CHRNB3: variants seen among roughly 807,000 people sequenced by gnomAD.
The protein encoded by CHRNB3 is neuronal acetylcholine receptor subunit beta-3.
CHRNB3 carries 37 observed loss-of-function variants against 40.6 expected under a neutral mutation model. The observed-to-expected ratio is 0.91, with a 90% CI of 0.70 to 1.20. The LOEUF (loss-of-function observed/expected upper bound fraction) is 1.20. Ranked by LOEUF, CHRNB3 falls within the 50% of genes most tolerant of loss-of-function variation. The pLI is 0.00. For missense variants in CHRNB3, 505 were observed against 551.2 expected, an observed-to-expected ratio of 0.92 and a Z score of 0.84; for synonymous variants, 207 against 207.1, an observed-to-expected ratio of 1.00 and a Z score of 0.00.
chr8:42,730,761 A>G, intron 4 of CHRNB3, 58 bp downstream of exon 4: 1 of 1,220,258 alleles, frequency 8.2e-7, no homozygotes, highest in South Asian at 1.4e-5. Context: ...TAAAAAGTGA[A>G]AAAAAGGCTG....
chr8:42,710,822 C>T (rs947420766), intron 3 of CHRNB3, among the ~76,000 whole-genome samples: 4 of 152,220 alleles, frequency 2.6e-5, no homozygotes, highest in Admixed American at 6.5e-5. Context: ...CCCTAGCCTT[C>T]TCTGGTCCTC....
chr8:42,718,690 A>C (rs1355157820), intron 3 of CHRNB3, among the ~76,000 whole-genome samples: 7 of 151,644 alleles, frequency 4.6e-5, no homozygotes, highest in South Asian at 2.1e-4. Context: ...AAAAAAAAAA[A>C]AAAAAAAAAA....
At chr8:42,719,292 C>A (rs1189232730) in intron 3 of CHRNB3, among the ~76,000 whole-genome samples, 3 of 152,204 alleles carry the variant, frequency 2.0e-5, no homozygotes, top group East Asian at 1.9e-4. Context: ...CCATTCTAAA[C>A]CCACAGAGGT....
intron 3 of CHRNB3, among the ~76,000 whole-genome samples, chr8:42,712,321 T>C (rs1324157061): frequency 1.3e-5 from 2 of 152,142 alleles, no homozygotes; most frequent in African/African-American, 4.8e-5. Context: ...ATTGCCTAAT[T>C]TGCCCCATTG....
In CHRNB3 at chr8:42,731,833, TATG is replaced by T. The variant is rs1274980594; in HGVS notation, c.530_532del (p.Asp177del). 3.7e-6 allele frequency: 6 copies of T among 1,614,126 alleles called. No homozygotes were observed. In the Admixed American group the frequency reaches 1.0e-4, roughly 27 times the overall value. ...CTCCATGAAGTTTGGATCCTGGACTTATGATGGCACCATGGTTGACCTCATTTT... is the reference window on the plus strand; with the variant it reads ...CTCCATGAAGTTTGGATCCTGGACTTATGGCACCATGGTTGACCTCATTTT... On this transcript the variant is annotated inframe_deletion, in exon 5 of 6. Coordinates refer to ENST00000289957, the MANE Select transcript of CHRNB3 (RefSeq NM_000749.5).
intron 4 of CHRNB3, 61 bp from the exon 5 acceptor site, chr8:42,731,606 A>G: frequency 6.0e-6 from 9 of 1,493,694 alleles, no homozygotes; most frequent in Non-Finnish European, 8.1e-6. Context: ...AATGCTGGGA[A>G]AAAGAACAAA....
At chr8:42,701,817 G>A (rs1815810338) in intron 1 of CHRNB3, among the ~76,000 whole-genome samples, 1 of 152,144 alleles carries the variant, frequency 6.6e-6, no homozygotes. Context: ...ACAGTCTTTT[G>A]TATCTTGAAA....
Position 42,703,435 on chromosome 8 carries a change from A to T in CHRNB3, c.53-5282A>T, listed in dbSNP as rs78846548. Among the ~76,000 whole-genome samples, 254 of 47,166 alleles carry T rather than the reference A, an allele frequency of 5.4e-3. 13 individuals carry two copies. Among genetic ancestry groups the T allele is most frequent in the East Asian group, 0.024 (21 of 878 alleles). 30.9% of individuals were successfully genotyped at this position (47,166 alleles called of 152,430 possible). On this transcript the variant is annotated intron_variant, in intron 1 of 5. Transcript: ENST00000289957. ...CAAGACTTCGTCTAAAAAAAAAAAAAATATTTATATATATATATATATATA... is the reference window on the plus strand; with the variant it reads ...CAAGACTTCGTCTAAAAAAAAAAAATATATTTATATATATATATATATATA...
chr8:42,697,720 A>T (rs55920715), intron 1 of CHRNB3, 122 bp downstream of exon 1: 19,203 of 726,958 alleles, frequency 0.026, 453 homozygotes, highest in South Asian at 0.081. Flanking sequence ...CATTTAGGAT[A>T]ACCTTTAAAA....
At chr8:42,698,723 CTG>C (rs1416398988) in intron 1 of CHRNB3, among the ~76,000 whole-genome samples, 16 of 152,290 alleles carry the variant, frequency 1.1e-4, no homozygotes, top group African/African-American at 3.9e-4. Flanking sequence ...TAAGAAAATT[CTG>C]TGTGTTTGAG....
chr8:42,720,734 G>A (rs1020991608), intron 3 of CHRNB3, among the ~76,000 whole-genome samples: 2 of 152,186 alleles, frequency 1.3e-5, no homozygotes, highest in Non-Finnish European at 2.9e-5. Flanking sequence ...TTGAAGGTCA[G>A]GTAAGCAACA....
In CHRNB3 at chr8:42,732,380, C is replaced by A; in HGVS notation, c.1073C>A (p.Ser358Tyr). ...AAAGATCATGTGGATCGCTACTCAT[C>A]CCCAGAGAAAGAGGAGAGTCAACCA... ...CMKDHVDRYS[S>Y]PEKEESQPVV... The change falls in exon 5 of 6, where the codon TCC becomes TAC. Residue 358 changes from serine (S) to tyrosine (Y), a missense_variant. Ser to Tyr is a moderately radical substitution (Grantham distance 144). Coordinates refer to ENST00000289957, the MANE Select transcript of CHRNB3 (RefSeq NM_000749.5). 2 of 1,613,574 alleles carry A rather than the reference C, an allele frequency of 1.2e-6. No homozygotes were observed. The highest frequency in any genetic ancestry group is 1.1e-5 in the South Asian group (1 of 90,916).
At chr8:42,709,115 G>A in intron 2 of CHRNB3, among the ~76,000 whole-genome samples, 1 of 152,140 alleles carries the variant, frequency 6.6e-6, no homozygotes, top group Non-Finnish European at 1.5e-5. Context: ...TGGTTGCTAA[G>A]ATAGTCATTG....
At chr8:42,700,139 G>A (rs1312869260) in intron 1 of CHRNB3, among the ~76,000 whole-genome samples, 3 of 151,666 alleles carry the variant, frequency 2.0e-5, no homozygotes, top group Non-Finnish European at 4.4e-5. Context: ...TCAGCCTCCA[G>A]AGGAGCTGGG....
At chr8:42,701,602 T>C (rs774202667) in intron 1 of CHRNB3, among the ~76,000 whole-genome samples, 1 of 151,966 alleles carries the variant, frequency 6.6e-6, no homozygotes, top group Non-Finnish European at 1.5e-5. Context: ...CAAAGGAAAA[T>C]TTCTTTGTCT....
At chr8:42,725,423 T>G (rs77930111) in intron 3 of CHRNB3, 28,806 of 566,552 alleles carry the variant, frequency 0.051, 1,035 homozygotes, top group Middle Eastern at 0.11. Flanking sequence ...TTCCTTTCCA[T>G]TTTTTGAAGA....
intron 3 of CHRNB3, among the ~76,000 whole-genome samples, chr8:42,720,184 C>T (rs1373313707): frequency 3.8e-5 from 5 of 132,132 alleles, no homozygotes; most frequent in Admixed American, 8.7e-5. Context: ...TGGAGTGCAG[C>T]GGCACGATCT....
chr8:42,711,702 T>G (rs1278552636), intron 3 of CHRNB3, among the ~76,000 whole-genome samples: 1 of 152,174 alleles, frequency 6.6e-6, no homozygotes, highest in African/African-American at 2.4e-5. Context: ...TTTATTTATT[T>G]TTTAGATTCA....
At chr8:42,707,033 A>G (rs1208661418) in intron 1 of CHRNB3, among the ~76,000 whole-genome samples, 1 of 152,222 alleles carries the variant, frequency 6.6e-6, no homozygotes, top group Non-Finnish European at 1.5e-5. Context: ...TGCTAGGATT[A>G]CAGGTGTGAG....
Sources: allele counts gnomAD v4.1 joint callset (sites outside exome capture counted in the v4.1 genomes callset), GRCh38; gene constraint gnomAD v4.1.1; transcripts MANE v1.5; gene names NCBI Gene and HGNC (gene_info 2026-07-23, HGNC 2026-07-21).